Variants in SPECC1 observed in about 807,000 individuals in gnomAD.
SPECC1 encodes cytospin-B.
SPECC1 carries 62 observed loss-of-function variants against 104.1 expected under a neutral mutation model. The observed-to-expected ratio is 0.60, with a 90% CI of 0.49 to 0.74. The LOEUF (loss-of-function observed/expected upper bound fraction) is 0.74, where lower values mean the gene tolerates loss of function less well. Ranked by LOEUF, SPECC1 falls within the 30% of genes least tolerant of loss-of-function variation. SPECC1 has a pLI of 0.00. For synonymous variants in SPECC1, 513 were observed against 501.6 expected, an observed-to-expected ratio of 1.02 and a Z score of -0.30; for missense variants, 1,306 against 1,310.5, an observed-to-expected ratio of 1.00 and a Z score of 0.05.
intron 3 of SPECC1, among the ~76,000 whole-genome samples, 189 bp downstream of exon 3, chr17:20,110,751 C>T (rs1484912937): frequency 6.6e-6 from 1 of 152,042 alleles, no homozygotes; most frequent in Admixed American, 6.6e-5. Context: ...AGTGGGGAGA[C>T]CGATGAGAAG....
In SPECC1 at chr17:20,238,316, C is replaced by A. The variant is rs905437226; in HGVS notation, c.2351+5911C>A. 4.8e-6 allele frequency: 5 copies of A among 1,039,904 alleles called. No homozygotes were observed. The African/African-American group carries it at 8.4e-5, about 17-fold the overall frequency. The allele number at this position is 1,039,904 out of a possible 1,614,324, so 64.4% of individuals were successfully genotyped here. ...ACTTAGTGTTCAAATCAGAGTGATA[C>A]ACAATTCAAAATGTGATTTTAAACT... On this transcript the variant is annotated intron_variant, in intron 7 of 14. Coordinates refer to ENST00000395527, the MANE Select transcript of SPECC1 (RefSeq NM_001243439.2).
chr17:20,058,005 C>T (rs1004211831), intron 1 of SPECC1, among the ~76,000 whole-genome samples: 8 of 152,078 alleles, frequency 5.3e-5, no homozygotes, highest in African/African-American at 1.7e-4. Context: ...TAGCTGCCTA[C>T]ATTGCAGTTT....
chr17:20,270,857 A>G (rs1272039626), intron 12 of SPECC1, among the ~76,000 whole-genome samples: 2 of 152,176 alleles, frequency 1.3e-5, no homozygotes, highest in African/African-American at 4.8e-5. Context: ...ATACATTCCC[A>G]ATACTGGATA....
chr17:20,020,045 C>T (rs774617111), intron 1 of SPECC1, among the ~76,000 whole-genome samples: 1 of 152,188 alleles, frequency 6.6e-6, no homozygotes, highest in Admixed American at 6.6e-5. Flanking sequence ...TCGGAAAGAA[C>T]CACTAGAAGG....
intron 3 of SPECC1, among the ~76,000 whole-genome samples, chr17:20,165,195 T>G (rs2033542081): frequency 6.6e-6 from 1 of 150,428 alleles, no homozygotes; most frequent in African/African-American, 2.5e-5. Context: ...ATGCTGTCCC[T>G]CCTACTACCC....
chr17:20,246,723 A>G (rs1253437234), intron 8 of SPECC1, among the ~76,000 whole-genome samples: 1 of 152,232 alleles, frequency 6.6e-6, no homozygotes, highest in African/African-American at 2.4e-5. Context: ...CAGAATGTGC[A>G]TCTGTCTACA....
intron 1 of SPECC1, among the ~76,000 whole-genome samples, chr17:20,086,136 C>T (rs1297213346): frequency 6.6e-6 from 1 of 152,188 alleles, no homozygotes; most frequent in African/African-American, 2.4e-5. Context: ...CCCACTGCTG[C>T]CTCCGCCACC....
intron 12 of SPECC1, among the ~76,000 whole-genome samples, chr17:20,293,392 T>C (rs1235496330): frequency 6.6e-6 from 1 of 152,210 alleles, no homozygotes; most frequent in Non-Finnish European, 1.5e-5. Flanking sequence ...ATTATTTCTC[T>C]TCATCCTGCC....
intron 9 of SPECC1, among the ~76,000 whole-genome samples, chr17:20,248,559 T>G (rs1441051095): frequency 2.0e-5 from 3 of 152,228 alleles, no homozygotes; most frequent in African/African-American, 7.2e-5. Context: ...TTTGACACTG[T>G]CTATAATTTT....
intron 1 of SPECC1, among the ~76,000 whole-genome samples, chr17:20,091,921 C>T (rs538469491): frequency 3.9e-5 from 6 of 152,306 alleles, no homozygotes. Context: ...GAGATAACCT[C>T]TCCAACGCAG....
In SPECC1 at chr17:20,318,529, C is replaced by T. The variant is rs116911978; in HGVS notation, c.*4464C>T. 4.2e-3 allele frequency: 968 copies of T among 230,670 alleles called. 3 individuals are homozygous for T. Among genetic ancestry groups the T allele is most frequent in the African/African-American group, 7.9e-3 (359 of 45,252 alleles). The allele number at this position is 230,670 out of a possible 1,614,324, so 14.3% of individuals were successfully genotyped here. On this transcript the variant is annotated 3_prime_UTR_variant, in exon 15 of 15. Coordinates refer to ENST00000395527, the MANE Select transcript of SPECC1 (RefSeq NM_001243439.2). ...TCTTCCCTGCTGCCCACAAACGTTA[C>T]GGAGACTCCCTTAGCCTCCCCCTCC...
intron 14 of SPECC1, among the ~76,000 whole-genome samples, chr17:20,309,513 ATAG>A (rs2041866862): frequency 6.6e-6 from 1 of 152,174 alleles, no homozygotes; most frequent in African/African-American, 2.4e-5. Flanking sequence ...AGATAGGCAC[ATAG>A]TAGCCGATAG....
intron 3 of SPECC1, among the ~76,000 whole-genome samples, chr17:20,195,009 A>C (rs1292490295): frequency 6.6e-6 from 1 of 152,202 alleles, no homozygotes; most frequent in Non-Finnish European, 1.5e-5. Flanking sequence ...AAAACAAAGG[A>C]TCAGTAGTGT....
intron 1 of SPECC1, among the ~76,000 whole-genome samples, chr17:20,032,320 A>G (rs1438283081): frequency 6.6e-6 from 1 of 152,172 alleles, no homozygotes; most frequent in African/African-American, 2.4e-5. Flanking sequence ...TAAAACAAAA[A>G]TCTAGGAAGT....
Position 20,205,078 on chromosome 17 carries a change from G to A in SPECC1, c.1029G>A (p.Leu343=), listed in dbSNP as rs1472634570. The A allele has an allele frequency of 1.2e-6, 2 of 1,614,176 alleles. No homozygotes were observed. The highest frequency in any genetic ancestry group is 1.7e-6 in the Non-Finnish European group (2 of 1,180,026). The change falls in exon 4 of 15, where the codon CTG becomes CTA. Residue 343 remains leucine (L), a synonymous_variant. Coordinates refer to ENST00000395527, the MANE Select transcript of SPECC1 (RefSeq NM_001243439.2). ...CAGCAGAGACACCCTCAAGGCCCCT[G>A]TCCTCCACCAGTAACCCCTTTAAGA... is the stretch of plus-strand genomic sequence containing the variant. ...HITAETPSRP[L]SSTSNPFKSS...
chr17:20,127,300 T>C (rs188130512), intron 3 of SPECC1, among the ~76,000 whole-genome samples: 4 of 152,296 alleles, frequency 2.6e-5, no homozygotes, highest in Admixed American at 2.0e-4. Flanking sequence ...CTCCCCCTTT[T>C]ATGATCTGCC....
At chr17:20,038,155 T>G (rs539360295) in intron 1 of SPECC1, among the ~76,000 whole-genome samples, 1 of 152,212 alleles carries the variant, frequency 6.6e-6, no homozygotes, top group East Asian at 1.9e-4. Flanking sequence ...TTATTAATCT[T>G]TCGAAGAATC....
At chr17:20,087,562 G>A (rs1269178638) in intron 1 of SPECC1, among the ~76,000 whole-genome samples, 1 of 152,214 alleles carries the variant, frequency 6.6e-6, no homozygotes, top group Non-Finnish European at 1.5e-5. Flanking sequence ...TGCTGGGACT[G>A]TGTACCTTTG....
At chr17:20,209,561 ATTTCTT>A (rs10594977) in intron 4 of SPECC1, among the ~76,000 whole-genome samples, 106,914 of 151,196 alleles carry the variant, frequency 0.71, 39,566 homozygotes, top group East Asian at 0.99. Flanking sequence ...TTTTCTTCTC[ATTTCTT>A]TTTCTTCATT....
Sources: gnomAD v4.1 joint callset for allele counts (sites outside exome capture counted in the v4.1 genomes callset) on GRCh38, gnomAD v4.1.1 for gene constraint, MANE v1.5 for transcripts, NCBI Gene and HGNC (gene_info 2026-07-23, HGNC 2026-07-21) for gene names.